RFX4: variants seen among roughly 807,000 people sequenced by gnomAD.
RFX4 encodes regulatory factor X4.
Under a neutral mutation model 95.0 loss-of-function variants are expected in RFX4, and 10 were observed. That is an observed-to-expected ratio of 0.11 (90% confidence interval 0.06 to 0.18). The LOEUF (loss-of-function observed/expected upper bound fraction) is 0.18, where lower values mean the gene tolerates loss of function less well. RFX4 is among the 10% of genes least tolerant of loss of function. The pLI is 1.00. For missense variants in RFX4, 640 were observed against 922.0 expected, an observed-to-expected ratio of 0.69 and a Z score of 3.96; for synonymous variants, 321 against 340.7, an observed-to-expected ratio of 0.94 and a Z score of 0.64.
At chr12:106,589,988 C>T (rs1049783295) in intron 1 of RFX4, among the ~76,000 whole-genome samples, 1 of 152,254 alleles carries the variant, frequency 6.6e-6, no homozygotes, top group Admixed American at 6.5e-5. Flanking sequence ...CTGCTACATA[C>T]TGGGCTTAAC....
chr12:106,670,263 C>T (rs1383057307), intron 4 of RFX4, among the ~76,000 whole-genome samples: 4 of 152,154 alleles, frequency 2.6e-5, no homozygotes, highest in African/African-American at 4.8e-5. Flanking sequence ...TCACCACCCT[C>T]GCCCTCTCTT....
At chr12:106,610,305 A>C (rs2039935283) in intron 2 of RFX4, among the ~76,000 whole-genome samples, 1 of 152,076 alleles carries the variant, frequency 6.6e-6, no homozygotes, top group Non-Finnish European at 1.5e-5. Flanking sequence ...AGTTTGGCAA[A>C]ATCTACATAA....
chr12:106,599,762 C>A (rs745437941), intron 1 of RFX4, among the ~76,000 whole-genome samples: 25 of 151,862 alleles, frequency 1.6e-4, no homozygotes, highest in Non-Finnish European at 3.1e-4. Context: ...CATAATGAGC[C>A]TCTAGCGGCC....
chr12:106,733,664 A>G (rs1445762628), intron 15 of RFX4, among the ~76,000 whole-genome samples: 3 of 152,190 alleles, frequency 2.0e-5, no homozygotes, highest in African/African-American at 7.2e-5. Context: ...AACCATAAGG[A>G]GGCAAGGGCT....
intron 1 of RFX4, chr12:106,601,200 G>T: frequency 6.5e-7 from 1 of 1,537,684 alleles, no homozygotes; most frequent in African/African-American, 1.4e-5. Flanking sequence ...TGGCTTCCTG[G>T]GCTTCTCCAA....
chr12:106,665,272 G>C (rs1041230119), intron 4 of RFX4, among the ~76,000 whole-genome samples: 1 of 151,776 alleles, frequency 6.6e-6, no homozygotes, highest in African/African-American at 2.4e-5. Context: ...TCTTTGCTTT[G>C]AAGTATGCTC....
chr12:106,659,251 G>A (rs986078744), intron 4 of RFX4, among the ~76,000 whole-genome samples: 3 of 151,914 alleles, frequency 2.0e-5, no homozygotes, highest in Non-Finnish European at 1.5e-5. Context: ...TCTGTGGCTT[G>A]GGGACCCACA....
intron 13 of RFX4, among the ~76,000 whole-genome samples, chr12:106,731,238 C>T (rs952101906): frequency 3.3e-5 from 5 of 152,116 alleles, no homozygotes; most frequent in East Asian, 1.9e-4. Flanking sequence ...GAGCCCCTAC[C>T]GAAGGTGCAC....
chr12:106,661,918 A>G (rs569139135), intron 4 of RFX4, among the ~76,000 whole-genome samples: 16 of 152,178 alleles, frequency 1.1e-4, no homozygotes, highest in Non-Finnish European at 2.4e-4. Context: ...GTGCTGAATA[A>G]TATTTCATTG....
intron 1 of RFX4, among the ~76,000 whole-genome samples, chr12:106,606,947 G>C (rs960878098): frequency 1.3e-5 from 2 of 152,214 alleles, no homozygotes; most frequent in African/African-American, 2.4e-5. Context: ...ATTATGAGGA[G>C]TCACATTACT....
chr12:106,732,876 C>A, intron 14 of RFX4, 48 bp from the exon 15 acceptor site: 1 of 1,575,884 alleles, frequency 6.3e-7, no homozygotes, highest in South Asian at 1.1e-5. Flanking sequence ...TTTAGAGACA[C>A]TTGCCTTTAC....
intron 11 of RFX4, among the ~76,000 whole-genome samples, chr12:106,719,376 G>A (rs1280713762): frequency 6.6e-6 from 1 of 152,176 alleles, no homozygotes; most frequent in Non-Finnish European, 1.5e-5. Flanking sequence ...GAGAGCAAGA[G>A]AGCAGCAATG....
chr12:106,666,527 T>A (rs1427255147), intron 4 of RFX4, among the ~76,000 whole-genome samples: 1 of 152,160 alleles, frequency 6.6e-6, no homozygotes, highest in Non-Finnish European at 1.5e-5. Flanking sequence ...TTTTTTCTCT[T>A]TCTGATATTC....
chr12:106,698,452 A>G (rs1000967353), intron 8 of RFX4, among the ~76,000 whole-genome samples: 1 of 152,126 alleles, frequency 6.6e-6, no homozygotes, highest in Admixed American at 6.5e-5. Flanking sequence ...CTAATTTAAA[A>G]AAAAAATTTG....
At chr12:106,732,393 T>G (rs1005229912) in intron 14 of RFX4, 144 bp downstream of exon 14, 2 of 1,233,712 alleles carry the variant, frequency 1.6e-6, no homozygotes, top group African/African-American at 3.0e-5. Context: ...AATCATGTCT[T>G]TTTCCTCTTT....
At chr12:106,712,680 A>G (rs576650246) in intron 10 of RFX4, among the ~76,000 whole-genome samples, 5 of 152,320 alleles carry the variant, frequency 3.3e-5, no homozygotes, top group Non-Finnish European at 4.4e-5. Flanking sequence ...ACTCATCCAG[A>G]TTCATGCAGG....
At chr12:106,650,242 A>G (rs995871208) in intron 3 of RFX4, among the ~76,000 whole-genome samples, 2 of 151,640 alleles carry the variant, frequency 1.3e-5, no homozygotes, top group African/African-American at 4.8e-5. Context: ...GTGTTCATGG[A>G]TTTTTTTTTA....
intron 7 of RFX4, chr12:106,693,043 C>T: frequency 5.3e-6 from 2 of 380,410 alleles, no homozygotes; most frequent in South Asian, 2.0e-5. Flanking sequence ...AACTTTGATT[C>T]TCTCCTTTCC....
intron 17 of RFX4, among the ~76,000 whole-genome samples, chr12:106,758,709 G>A (rs1449965534): frequency 6.6e-6 from 1 of 152,210 alleles, no homozygotes; most frequent in Non-Finnish European, 1.5e-5. Context: ...TAATGGGCTG[G>A]CCTCCAAAAA....
Sources: allele counts gnomAD v4.1 joint callset (sites outside exome capture counted in the v4.1 genomes callset), GRCh38; gene constraint gnomAD v4.1.1; transcripts MANE v1.5; gene names NCBI Gene and HGNC (gene_info 2026-07-23, HGNC 2026-07-21).